Variants in BCAS3 observed in about 807,000 individuals in gnomAD.
BCAS3 encodes the protein BCAS3 microtubule associated cell migration factor.
In BCAS3, 53 loss-of-function variants were observed where a neutral mutation model predicts 116.1. The ratio of observed to expected loss-of-function variants is 0.46; its 90% CI spans 0.37 to 0.57. The LOEUF is 0.57. Among genes scored for constraint, BCAS3 ranks in the 20% least tolerant of loss-of-function variants. The pLI, the probability that BCAS3 is intolerant of heterozygous loss-of-function variation, is 0.00. For missense variants in BCAS3, 917 were observed against 1,165.4 expected, an observed-to-expected ratio of 0.79 and a Z score of 3.10; for synonymous variants, 391 against 408.2, an observed-to-expected ratio of 0.96 and a Z score of 0.51.
chr17:60,982,805 T>G (rs1309459735), intron 14 of BCAS3, among the ~76,000 whole-genome samples: 1 of 152,232 alleles, frequency 6.6e-6, no homozygotes, highest in Non-Finnish European at 1.5e-5. Context: ...TGATTTTGCT[T>G]TCTTGTCTTC....
intron 7 of BCAS3, among the ~76,000 whole-genome samples, chr17:60,849,884 C>T (rs955085449): frequency 1.3e-5 from 2 of 152,242 alleles, no homozygotes; most frequent in Middle Eastern, 3.4e-3. Flanking sequence ...CCTCAACCTC[C>T]CAAGTAGCTG....
At chr17:60,710,915 A>G (rs1439257673) in intron 5 of BCAS3, among the ~76,000 whole-genome samples, 1 of 149,390 alleles carries the variant, frequency 6.7e-6, no homozygotes, top group Non-Finnish European at 1.5e-5. Flanking sequence ...CGATCCTCCC[A>G]CATCAGCCTC....
intron 12 of BCAS3, among the ~76,000 whole-genome samples, chr17:60,915,881 C>T (rs1028405179): frequency 2.5e-4 from 38 of 151,970 alleles, no homozygotes; most frequent in African/African-American, 8.2e-4. Context: ...GACGGGGTTT[C>T]GCCATGTTAG....
chr17:60,900,006 C>T (rs2057774121), intron 10 of BCAS3: 1 of 152,294 alleles, frequency 6.6e-6, no homozygotes, highest in Non-Finnish European at 1.5e-5. Flanking sequence ...GGTGTCTGCA[C>T]TAAGTTCAGC....
intron 5 of BCAS3, among the ~76,000 whole-genome samples, chr17:60,724,515 A>G (rs565356267): frequency 8.6e-4 from 131 of 151,602 alleles, no homozygotes; most frequent in African/African-American, 3.1e-3. Context: ...ACCTGAGGTC[A>G]GGAGTTCGAG....
intron 7 of BCAS3, among the ~76,000 whole-genome samples, chr17:60,855,289 A>G (rs779568157): frequency 2.0e-5 from 3 of 148,468 alleles, no homozygotes; most frequent in Non-Finnish European, 3.0e-5. Flanking sequence ...TAGTCTACCT[A>G]CCTTCTTACT....
At chr17:61,271,444 G>T (rs1453324767) in intron 22 of BCAS3, among the ~76,000 whole-genome samples, 16 of 1,168 alleles carry the variant, frequency 0.014, no homozygotes, top group East Asian at 0.038. Context: ...TTTTGTCTTA[G>T]GTGGAGTCTC....
chr17:61,049,132 TAAAGA>T (rs2068608941), intron 19 of BCAS3, among the ~76,000 whole-genome samples: 1 of 151,740 alleles, frequency 6.6e-6, no homozygotes, highest in African/African-American at 2.4e-5. Context: ...ACCCTGACTC[TAAAGA>T]AAACATTTGA....
chr17:61,235,395 G>A lies in BCAS3; in HGVS notation c.2426-132932G>A, dbSNP rs1054924415. ...GAAAATGTACAGTTTTGAGAATTTC[G>A]ATATTTGACAGATGATTGAGCCACT... On this transcript the variant is annotated intron_variant, in intron 22 of 23. Coordinates refer to ENST00000407086, the MANE Select transcript of BCAS3 (RefSeq NM_017679.5). This position sits in a 1 kb window ranked among gnomAD's most constrained non-coding sequence, Gnocchi z 5.0. 3.3e-5 allele frequency among the ~76,000 whole-genome samples: 5 copies of A among 152,190 alleles called. No homozygotes were observed. Among genetic ancestry groups the A allele is most frequent in the African/African-American group, 7.2e-5 (3 of 41,454 alleles).
At position 61,276,888 on chromosome 17, in the gene BCAS3, A is replaced by G. The variant is rs1349825392; in HGVS notation, c.2426-91439A>G. 6.6e-6 allele frequency among the ~76,000 whole-genome samples: 1 copy of G among 152,230 alleles called. No individual in the cohort carries two copies. Among genetic ancestry groups the G allele is most frequent in the African/African-American group, 2.4e-5 (1 of 41,452 alleles). On this transcript the variant is annotated intron_variant, in intron 22 of 23. Coordinates refer to ENST00000407086, the MANE Select transcript of BCAS3 (RefSeq NM_017679.5). The surrounding 1 kb of genome is among the most constrained non-coding windows in gnomAD (Gnocchi z 4.2). ...ATAATGGAATAGAATTGAAAGTCCA[A>G]AAATAACCCTCACATTTACAGTCAA... is the stretch of plus-strand genomic sequence containing the variant.
chr17:60,843,744 G>A (rs1431343208), intron 7 of BCAS3, among the ~76,000 whole-genome samples: 1 of 152,112 alleles, frequency 6.6e-6, no homozygotes, highest in African/African-American at 2.4e-5. Flanking sequence ...TGGCTGTATG[G>A]ACAGTGTTGC....
intron 6 of BCAS3, among the ~76,000 whole-genome samples, chr17:60,793,566 C>T (rs1458362335): frequency 1.3e-5 from 2 of 152,062 alleles, no homozygotes; most frequent in Non-Finnish European, 2.9e-5. Flanking sequence ...CTCACTTTCC[C>T]CCCAAGTCCC....
intron 22 of BCAS3, among the ~76,000 whole-genome samples, chr17:61,298,674 A>G (rs1261727542): frequency 6.6e-6 from 1 of 152,108 alleles, no homozygotes; most frequent in Non-Finnish European, 1.5e-5. Context: ...CCCAAAGGGG[A>G]CGTCCCACAC....
rs567224786 is a variant in BCAS3 at position 61,257,508 on chromosome 17, C to T, written c.2426-110819C>T. ...CTTCAAGAATACTTTTACCAAGCCA[C>T]CTTCCTTTGAATGGAATACTTTAGC... is the stretch of plus-strand genomic sequence containing the variant. On this transcript the variant is annotated intron_variant, in intron 22 of 23. Transcript: ENST00000407086. 3.9e-5 allele frequency among the ~76,000 whole-genome samples: 6 copies of T among 151,914 alleles called. No homozygotes were observed. The East Asian group carries it at 1.2e-3, about 29-fold the overall frequency.
rs1464731503 is a variant in BCAS3 at position 61,356,379 on chromosome 17, A to G, written c.2426-11948A>G. Among the ~76,000 whole-genome samples, 4 of 152,188 alleles carry G rather than the reference A, an allele frequency of 2.6e-5. No individual in the cohort carries two copies. Among genetic ancestry groups the G allele is most frequent in the Admixed American group, 2.6e-4 (4 of 15,290 alleles). ...GAGAAATCATGAGTGTGCCAAGTTT[A>G]AAACAGAAGAGTAAAGGGTCTCTGG... On this transcript the variant is annotated intron_variant, in intron 22 of 23. Transcript: ENST00000407086. The surrounding 1 kb of genome is among the most constrained non-coding windows in gnomAD (Gnocchi z 5.4).
chr17:61,183,850 C>T (rs1296996172), intron 22 of BCAS3, among the ~76,000 whole-genome samples: 1 of 152,228 alleles, frequency 6.6e-6, no homozygotes, highest in East Asian at 1.9e-4. Flanking sequence ...TACCCAGGGT[C>T]AGGAAAATGT....
At chr17:61,297,647 G>A (rs373336286) in intron 22 of BCAS3, among the ~76,000 whole-genome samples, 1 of 152,164 alleles carries the variant, frequency 6.6e-6, no homozygotes. Context: ...CTTGTTGAAG[G>A]GAGGTCAGTG....
At position 61,041,241 on chromosome 17, in the gene BCAS3, GAA is replaced by G. The variant is rs60664735; in HGVS notation, c.2029+359_2029+360del. Among the ~76,000 whole-genome samples the G allele has an allele frequency of 6.9e-6, 1 of 144,964 alleles. No homozygotes were observed. Among genetic ancestry groups the G allele is most frequent in the Non-Finnish European group, 1.5e-5 (1 of 65,546 alleles). On this transcript the variant is annotated intron_variant, in intron 19 of 23. Transcript: ENST00000407086. This position sits in a 1 kb window ranked among gnomAD's most constrained non-coding sequence, Gnocchi z 4.7. ...AAGCTTGGAATCTGTTTCTAACATGGAAAAAAAAAAACCCCAAAACTTAGCAC... is the reference window on the plus strand; with the variant it reads ...AAGCTTGGAATCTGTTTCTAACATGGAAAAAAAAACCCCAAAACTTAGCAC...
chr17:61,141,902 G>GAA lies in BCAS3; in HGVS notation c.2425+57355_2425+57356dup, dbSNP rs34079272. 7.0e-4 allele frequency among the ~76,000 whole-genome samples: 20 copies of GAA among 28,614 alleles called. No homozygotes were observed. The highest frequency in any genetic ancestry group is 9.1e-4 in the African/African-American group (20 of 21,884). 18.8% of individuals were successfully genotyped at this position (28,614 alleles called of 152,430 possible). ...GTGACAGAGCGAGACCCCACCTCAA[G>GAA]AAAAAAAAAAAAAAAAAAGTTAGAC... On this transcript the variant is annotated intron_variant, in intron 22 of 23. Transcript: ENST00000407086. The surrounding 1 kb of genome is among the most constrained non-coding windows in gnomAD (Gnocchi z 4.3).
Sources: allele counts gnomAD v4.1 joint callset (sites outside exome capture counted in the v4.1 genomes callset), GRCh38; gene constraint gnomAD v4.1.1; non-coding constraint Gnocchi (gnomAD v3.1); transcripts MANE v1.5; gene names NCBI Gene and HGNC (gene_info 2026-07-23, HGNC 2026-07-21).